TOP1: variants seen among roughly 807,000 people sequenced by gnomAD.
TOP1 encodes the protein DNA topoisomerase 1.
Under a neutral mutation model 111.1 loss-of-function variants are expected in TOP1, and 10 were observed. The observed-to-expected ratio is 0.09, with a 90% CI of 0.06 to 0.15. The LOEUF (loss-of-function observed/expected upper bound fraction) is 0.15. Among genes scored for constraint, TOP1 ranks in the 10% least tolerant of loss-of-function variants. TOP1 has a pLI of 1.00. For missense variants in TOP1, 474 were observed against 926.7 expected (o/e 0.51, Z 6.34); for synonymous variants, 271 against 302.9 (o/e 0.89, Z 1.10).
intron 2 of TOP1, among the ~76,000 whole-genome samples, chr20:41,039,163 T>C (rs1447170411): frequency 6.6e-6 from 1 of 152,214 alleles, no homozygotes; most frequent in African/African-American, 2.4e-5. Flanking sequence ...AGAAAGTGAA[T>C]ATTGTGACTA....
intron 2 of TOP1, among the ~76,000 whole-genome samples, chr20:41,057,009 C>G (rs1211220553): frequency 6.6e-6 from 1 of 152,014 alleles, no homozygotes; most frequent in Non-Finnish European, 1.5e-5. Context: ...GCCTGTGATC[C>G]CAGCACCAGA....
rs756443481 is a variant in TOP1 at position 41,114,072 on chromosome 20, G to C, written c.1555G>C (p.Asp519His). The change falls in exon 15 of 21, where the codon GAT (aspartate) becomes CAT (histidine). Residue 519 changes from aspartate (D) to histidine (H), a missense_variant. Asp to His is a moderately conservative substitution (Grantham distance 81). Transcript: ENST00000361337. The surrounding 1 kb of genome is among the most constrained non-coding windows in gnomAD (Gnocchi z 4.5). ...GCACATCAATCTACACCCAGAGTTG[G>C]ATGGTCAGGAATATGTGGTAGAGTT... ...VEHINLHPEL[D>H]GQEYVVEFDF... 6.2e-7 allele frequency: 1 copy of C among 1,614,174 alleles called. No homozygotes were observed.
chr20:41,052,278 CTG>C (rs1424804535), intron 2 of TOP1, among the ~76,000 whole-genome samples: 1 of 152,220 alleles, frequency 6.6e-6, no homozygotes, highest in Non-Finnish European at 1.5e-5. Flanking sequence ...AAGGGGACCT[CTG>C]TGCTGCTCTG....
chr20:41,062,870 TTATAG>T, intron 3 of TOP1, among the ~76,000 whole-genome samples: 1 of 152,320 alleles, frequency 6.6e-6, no homozygotes, highest in South Asian at 2.1e-4. Flanking sequence ...TAATCGACAT[TTATAG>T]GTTTTTCCCA....
chr20:41,091,794 G>T (rs2033923706), intron 8 of TOP1, among the ~76,000 whole-genome samples: 1 of 151,978 alleles, frequency 6.6e-6, no homozygotes, highest in African/African-American at 2.4e-5. Context: ...ACGACCTCCT[G>T]ACCTCGTGAT....
chr20:41,086,972 C>T (rs2145942313), intron 8 of TOP1, among the ~76,000 whole-genome samples: 1 of 152,322 alleles, frequency 6.6e-6, no homozygotes, highest in East Asian at 1.9e-4. Flanking sequence ...GTGACTGCCA[C>T]TGATGACCTA....
chr20:41,088,961 C>G (rs893529925), intron 8 of TOP1, among the ~76,000 whole-genome samples: 1 of 149,082 alleles, frequency 6.7e-6, no homozygotes, highest in African/African-American at 2.5e-5. Context: ...AACTCTACAT[C>G]TTGCAAAACT....
Position 41,077,572 on chromosome 20 carries a change from T to C in TOP1, c.280-10T>C. The C allele has an allele frequency of 6.2e-7, 1 of 1,613,676 alleles. No homozygotes were observed. The highest frequency in any genetic ancestry group is 8.5e-7 in the Non-Finnish European group (1 of 1,179,528). On this transcript the variant is annotated splice_polypyrimidine_tract_variant and intron_variant, in intron 4 of 20. Transcript: ENST00000361337. ...TTCAAGGTACTAGTTACTGTTGTTT[T>C]ACTTTTCAGGTTCGAGCCTCTGGGG...
intron 3 of TOP1, among the ~76,000 whole-genome samples, chr20:41,065,327 C>G (rs2033593896): frequency 1.3e-5 from 2 of 152,172 alleles, no homozygotes; most frequent in South Asian, 4.1e-4. Context: ...TCCCATCTCT[C>G]TTTCTTCTCA....
At chr20:41,086,256 C>G (rs1383392511) in intron 8 of TOP1, among the ~76,000 whole-genome samples, 2 of 147,620 alleles carry the variant, frequency 1.4e-5, no homozygotes, top group Non-Finnish European at 3.0e-5. Flanking sequence ...GAGCGAGACT[C>G]TGTCTCAAAA....
intron 8 of TOP1, among the ~76,000 whole-genome samples, chr20:41,084,822 T>C (rs779845403): frequency 2.0e-5 from 3 of 152,186 alleles, no homozygotes; most frequent in Non-Finnish European, 4.4e-5. Context: ...TATGTATAGG[T>C]GGGAATTTAG....
intron 2 of TOP1, among the ~76,000 whole-genome samples, chr20:41,042,549 C>T (rs1399818920): frequency 6.6e-6 from 1 of 152,152 alleles, no homozygotes; most frequent in Non-Finnish European, 1.5e-5. Context: ...ACTGAAAATC[C>T]AGTCTGTGGA....
intron 2 of TOP1, among the ~76,000 whole-genome samples, chr20:41,049,766 T>C (rs1239505311): frequency 6.6e-6 from 1 of 152,216 alleles, no homozygotes; most frequent in Non-Finnish European, 1.5e-5. Context: ...CAAATGAATA[T>C]TGTGAATCCC....
rs2122578028 is a variant in TOP1, at chr20:41,029,333, C to A, written c.34-98C>A. ...GGCCACCCCCGGGTCCCCGTCCTCC[C>A]CGGGGGCGCAGGGTGAGCCAGACCC... On this transcript the variant is annotated intron_variant, in intron 1 of 20. Transcript: ENST00000361337. The surrounding 1 kb of genome is among the most constrained non-coding windows in gnomAD (Gnocchi z 6.1). 8.5e-7 allele frequency: 1 copy of A among 1,174,562 alleles called. No homozygotes were observed. 72.8% of individuals were successfully genotyped at this position (1,174,562 alleles called of 1,614,324 possible). A position where few individuals can be genotyped will look rare whatever the true frequency, so the allele number is the denominator to read the frequency against.
intron 2 of TOP1, among the ~76,000 whole-genome samples, chr20:41,031,560 C>T (rs1262942550): frequency 6.6e-6 from 1 of 152,204 alleles, no homozygotes; most frequent in Non-Finnish European, 1.5e-5. Flanking sequence ...GCAATAATAG[C>T]TAATATTTAT....
rs2033951933 is a variant in TOP1 at position 41,094,017 on chromosome 20, C to A, written c.730+1430C>A. On this transcript the variant is annotated intron_variant, in intron 9 of 20. Coordinates refer to ENST00000361337, the MANE Select transcript of TOP1 (RefSeq NM_003286.4). The surrounding 1 kb of genome is among the most constrained non-coding windows in gnomAD (Gnocchi z 4.4). ...GCAGTGAGCCTAGATCGTGCCACTC[C>A]CCTCCAGCCTGTGTGACAGAGTGAG... Among the ~76,000 whole-genome samples, 2 of 151,990 alleles carry A rather than the reference C, an allele frequency of 1.3e-5. No homozygotes were observed. The highest frequency in any genetic ancestry group is 1.3e-4 in the Admixed American group (2 of 15,260).
rs2034012391 is a variant in TOP1 at position 41,098,452 on chromosome 20, T to C, written c.975+115T>C. On this transcript the variant is annotated intron_variant, in intron 11 of 20. Coordinates refer to ENST00000361337, the MANE Select transcript of TOP1 (RefSeq NM_003286.4). This position sits in a 1 kb window ranked among gnomAD's most constrained non-coding sequence, Gnocchi z 5.7. ...ACATCAGTAATTTCACATCATTCTATGCTAAAGACTTAGAGTTCTCAAAGT... is the reference window on the plus strand; with the variant it reads ...ACATCAGTAATTTCACATCATTCTACGCTAAAGACTTAGAGTTCTCAAAGT... 1 of 1,183,064 alleles carries C rather than the reference T, an allele frequency of 8.5e-7. No homozygotes were observed. Among genetic ancestry groups the C allele is most frequent in the Non-Finnish European group, 1.2e-6 (1 of 842,816 alleles). 73.3% of individuals were successfully genotyped at this position (1,183,064 alleles called of 1,614,324 possible).
At chr20:41,105,787 A>AC (rs1390184681) in intron 13 of TOP1, among the ~76,000 whole-genome samples, 2 of 152,144 alleles carry the variant, frequency 1.3e-5, no homozygotes, top group Non-Finnish European at 2.9e-5. Flanking sequence ...TAGCCACCAT[A>AC]CCCTGCCTCT....
rs1393658159 is a variant in TOP1, at chr20:41,083,469, C to T, written c.508-993C>T. Among the ~76,000 whole-genome samples the T allele has an allele frequency of 1.3e-5, 2 of 152,088 alleles. No homozygotes were observed. Among genetic ancestry groups the T allele is most frequent in the Non-Finnish European group, 2.9e-5 (2 of 68,018 alleles). ...ATAAGTCACATTCTGTTATTTTTCT[C>T]ATAAAGTTAGGCTCTTATCATAGTT... On this transcript the variant is annotated intron_variant, in intron 7 of 20. Coordinates refer to ENST00000361337, the MANE Select transcript of TOP1 (RefSeq NM_003286.4). This position sits in a 1 kb window ranked among gnomAD's most constrained non-coding sequence, Gnocchi z 7.2.
Sources: allele counts gnomAD v4.1 joint callset (sites outside exome capture counted in the v4.1 genomes callset), GRCh38; gene constraint gnomAD v4.1.1; non-coding constraint Gnocchi (gnomAD v3.1); transcripts MANE v1.5; gene names NCBI Gene and HGNC (gene_info 2026-07-23, HGNC 2026-07-21).